Variants in AP3B1 observed in about 807,000 individuals in gnomAD.
AP3B1 encodes the protein adaptor related protein complex 3 subunit beta 1.
In AP3B1, 61 loss-of-function variants were observed where a neutral mutation model predicts 132.5. The observed-to-expected ratio is 0.46, with a 90% CI of 0.37 to 0.57. AP3B1 has a LOEUF of 0.57. Among genes scored for constraint, AP3B1 ranks in the 20% least tolerant of loss-of-function variants. The probability of loss-of-function intolerance (pLI) is 0.00; values close to 1 mark genes in which losing one functional copy is unlikely to be tolerated. For missense variants in AP3B1, 1,120 were observed against 1,289.4 expected (o/e 0.87, Z 2.01); for synonymous variants, 388 against 438.3 (o/e 0.89, Z 1.43).
chr5:78,048,678 CAG>C (rs1748447376), intron 22 of AP3B1, among the ~76,000 whole-genome samples: 1 of 152,156 alleles, frequency 6.6e-6, no homozygotes, highest in African/African-American at 2.4e-5. Context: ...AGATGAGAGA[CAG>C]AGAAACTAGC....
intron 7 of AP3B1, among the ~76,000 whole-genome samples, chr5:78,187,468 A>T: frequency 6.6e-6 from 1 of 152,174 alleles, no homozygotes; most frequent in East Asian, 1.9e-4. Flanking sequence ...GAGTTCAATT[A>T]CATTATTTTA....
intron 15 of AP3B1, among the ~76,000 whole-genome samples, chr5:78,138,932 T>A (rs1234162975): frequency 7.8e-6 from 1 of 127,888 alleles, no homozygotes; most frequent in African/African-American, 3.1e-5. Flanking sequence ...ATCATGCCAC[T>A]GAACTCTAGA....
chr5:78,139,010 CA>C (rs1174012023), intron 15 of AP3B1, among the ~76,000 whole-genome samples: 3 of 134,030 alleles, frequency 2.2e-5, no homozygotes, highest in Non-Finnish European at 4.8e-5. Flanking sequence ...AACTGAGCTC[CA>C]AAACTGCCAT....
intron 21 of AP3B1, among the ~76,000 whole-genome samples, chr5:78,091,185 A>C (rs1405214846): frequency 1.3e-5 from 2 of 150,458 alleles, no homozygotes; most frequent in African/African-American, 4.9e-5. Flanking sequence ...AACAACAAAT[A>C]TTTATTCTGA....
intron 12 of AP3B1, among the ~76,000 whole-genome samples, chr5:78,165,197 G>T (rs901687626): frequency 6.6e-6 from 1 of 152,018 alleles, no homozygotes; most frequent in Admixed American, 6.6e-5. Flanking sequence ...AAATTTTTTT[G>T]AGCTATATAT....
chr5:78,120,701 G>T (rs1449922910), intron 17 of AP3B1, among the ~76,000 whole-genome samples: 1 of 151,170 alleles, frequency 6.6e-6, no homozygotes, highest in African/African-American at 2.4e-5. Context: ...AGCAAGTCCT[G>T]AGTGACCTAC....
chr5:78,061,357 C>A (rs933511507), intron 22 of AP3B1, among the ~76,000 whole-genome samples: 1 of 152,188 alleles, frequency 6.6e-6, no homozygotes, highest in African/African-American at 2.4e-5. Flanking sequence ...GCAAGGCATT[C>A]AAACTTGGTG....
chr5:78,012,038 C>G (rs1339305766), intron 26 of AP3B1, among the ~76,000 whole-genome samples: 3 of 151,854 alleles, frequency 2.0e-5, no homozygotes, highest in Non-Finnish European at 4.4e-5. Flanking sequence ...AAACTGATTA[C>G]CATTAATAAA....
chr5:78,216,375 G>T, intron 6 of AP3B1, 138 bp from the exon 7 acceptor site: 2 of 831,684 alleles, frequency 2.4e-6, no homozygotes, highest in Non-Finnish European at 3.9e-6. Context: ...GAATGTTCAT[G>T]TTTGAATAAC....
intron 11 of AP3B1, 91 bp downstream of exon 11, chr5:78,175,535 C>T (rs977380755): frequency 3.3e-6 from 3 of 922,706 alleles, no homozygotes; most frequent in African/African-American, 3.3e-5. Context: ...TTTTGAAAAG[C>T]AGGACTGCAT....
At chr5:78,008,503 A>C (rs1385600693) in intron 26 of AP3B1, among the ~76,000 whole-genome samples, 1 of 152,174 alleles carries the variant, frequency 6.6e-6, no homozygotes, top group African/African-American at 2.4e-5. Context: ...CAATGAACTG[A>C]TGCTCAGGGC....
At chr5:78,123,051 C>T (rs1156802075) in intron 17 of AP3B1, among the ~76,000 whole-genome samples, 1 of 152,192 alleles carries the variant, frequency 6.6e-6, no homozygotes, top group Non-Finnish European at 1.5e-5. Flanking sequence ...CGCATATCTA[C>T]AACCATCTGA....
intron 7 of AP3B1, among the ~76,000 whole-genome samples, chr5:78,193,664 T>TTA (rs1355902777): frequency 2.7e-5 from 4 of 146,400 alleles, no homozygotes; most frequent in African/African-American, 9.9e-5. Flanking sequence ...ATATACATAT[T>TTA]TATATATATT....
intron 17 of AP3B1, among the ~76,000 whole-genome samples, chr5:78,127,132 T>C (rs1752496374): frequency 6.6e-6 from 1 of 152,188 alleles, no homozygotes; most frequent in Non-Finnish European, 1.5e-5. Flanking sequence ...ATAGAAATTC[T>C]ATTTATTAAA....
chr5:78,180,823 A>G (rs1450516364), intron 8 of AP3B1, among the ~76,000 whole-genome samples: 1 of 151,958 alleles, frequency 6.6e-6, no homozygotes, highest in Non-Finnish European at 1.5e-5. Flanking sequence ...GAGTGTTGAG[A>G]ATGTGATGTT....
At position 78,259,245 on chromosome 5, in the gene AP3B1, T is replaced by C. The variant is rs373223570; in HGVS notation, c.204+8275A>G. ...ACTGGTGACAGAGCAAGACTCCATCTCAAAAAAAAAAAAAAGAAAGAAAGA... is the reference window on the plus strand; with the variant it reads ...ACTGGTGACAGAGCAAGACTCCATCCCAAAAAAAAAAAAAAGAAAGAAAGA... On this transcript the variant is annotated intron_variant, in intron 2 of 26. Transcript: ENST00000255194. 7.1e-5 allele frequency among the ~76,000 whole-genome samples: 9 copies of C among 127,646 alleles called. No homozygotes were observed. In the East Asian group the frequency reaches 1.9e-3, roughly 27 times the overall value. 83.7% of individuals were successfully genotyped at this position (127,646 alleles called of 152,430 possible). A position where few individuals can be genotyped will look rare whatever the true frequency, so the allele number is the denominator to read the frequency against.
chr5:78,221,791 C>T (rs1325493517), intron 6 of AP3B1, among the ~76,000 whole-genome samples: 3 of 151,726 alleles, frequency 2.0e-5, no homozygotes, highest in African/African-American at 2.4e-5. Context: ...AAACACTTTG[C>T]CAGAGATAAT....
chr5:78,272,293 A>C (rs1748580290), intron 1 of AP3B1, among the ~76,000 whole-genome samples: 2 of 152,218 alleles, frequency 1.3e-5, no homozygotes, highest in Non-Finnish European at 2.9e-5. Context: ...CTCCTTAAAA[A>C]TATAAAATCA....
chr5:78,278,555 C>A (rs1371081196), intron 1 of AP3B1, among the ~76,000 whole-genome samples: 1 of 126,926 alleles, frequency 7.9e-6, no homozygotes, highest in East Asian at 2.3e-4. Context: ...GCCGAGATCC[C>A]GCCACTGCAC....
Sources: allele counts gnomAD v4.1 joint callset (sites outside exome capture counted in the v4.1 genomes callset), GRCh38; gene constraint gnomAD v4.1.1; transcripts MANE v1.5; gene names NCBI Gene and HGNC (gene_info 2026-07-23, HGNC 2026-07-21).